Variants in TTC7A observed in about 807,000 individuals in gnomAD.
The protein encoded by TTC7A is tetratricopeptide repeat domain 7A, also known as tetratricopeptide repeat protein 7A.
Under a neutral mutation model 103.7 loss-of-function variants are expected in TTC7A, and 110 were observed. That is an observed-to-expected ratio of 1.06 (90% CI 0.91 to 1.24). The LOEUF is 1.24. Ranked by LOEUF, TTC7A falls within the 50% of genes most tolerant of loss-of-function variation. TTC7A has a pLI of 0.00. For synonymous variants in TTC7A, 521 were observed against 467.9 expected, an observed-to-expected ratio of 1.11 and a Z score of -1.47; for missense variants, 1,340 against 1,116.3, an observed-to-expected ratio of 1.20 and a Z score of -2.86.
chr2:47,064,249 G>A (rs755544087), intron 19 of TTC7A, among the ~76,000 whole-genome samples: 4 of 152,210 alleles, frequency 2.6e-5, no homozygotes, highest in Admixed American at 6.5e-5. Context: ...AGGGGCCTCC[G>A]GGAAACTGGC....
At chr2:47,013,751 T>C (rs530047592) in intron 11 of TTC7A, among the ~76,000 whole-genome samples, 6 of 152,348 alleles carry the variant, frequency 3.9e-5, no homozygotes, top group South Asian at 2.1e-4. Flanking sequence ...AGGAGCAAAG[T>C]AATCAATGAC....
At chr2:46,984,354 A>T (rs2104315136) in intron 5 of TTC7A, among the ~76,000 whole-genome samples, 1 of 152,338 alleles carries the variant, frequency 6.6e-6, no homozygotes, top group South Asian at 2.1e-4. Flanking sequence ...AGTAAGGGTG[A>T]GGCCCTGGGG....
rs148347796 is a variant in TTC7A at position 46,975,011 on chromosome 2, C to T, written c.556C>T (p.Arg186Cys). The part of the protein sequence containing the change: ...LERLPNSIAS[R>C]FRLTEREEEV... Reference sequence around the variant, plus strand: ...ACGCCTACCCAACTCCATCGCCTCCCGCTTCCGCCTGACAGAGAGGGAGGA... The same window carrying T: ...ACGCCTACCCAACTCCATCGCCTCCTGCTTCCGCCTGACAGAGAGGGAGGA... Residue 186 changes from arginine (R) to cysteine (C), a missense_variant, in exon 4 of 20, where the codon CGC becomes TGC. Coordinates refer to ENST00000319190, the MANE Select transcript of TTC7A (RefSeq NM_020458.4). The T allele has an allele frequency of 3.3e-4, 527 of 1,614,042 alleles. No homozygotes were observed. In the African/African-American group the frequency reaches 5.3e-3, roughly 16 times the overall value.
At chr2:46,970,604 T>C (rs1037752369) in intron 3 of TTC7A, among the ~76,000 whole-genome samples, 1 of 152,220 alleles carries the variant, frequency 6.6e-6, no homozygotes, top group Non-Finnish European at 1.5e-5. Context: ...TCCCCTGGAA[T>C]TGGCTGTGCC....
At chr2:46,924,061 C>G (rs1367079617) in intron 2 of TTC7A, among the ~76,000 whole-genome samples, 1 of 151,984 alleles carries the variant, frequency 6.6e-6, no homozygotes, top group African/African-American at 2.4e-5. Flanking sequence ...AAAAAATAGC[C>G]AGGCGTGGTG....
chr2:46,993,645 G>T (rs6751599), intron 6 of TTC7A, 117 bp downstream of exon 6: 101 of 901,612 alleles, frequency 1.1e-4, no homozygotes, highest in Non-Finnish European at 1.8e-4. Context: ...CTGCCTGCTT[G>T]TGGCAGAGGT....
chr2:47,037,151 T>C (rs1681205391), intron 15 of TTC7A, among the ~76,000 whole-genome samples: 1 of 152,222 alleles, frequency 6.6e-6, no homozygotes, highest in African/African-American at 2.4e-5. Context: ...GGAGCCCCTG[T>C]ACTTCAAAGC....
At chr2:46,924,345 T>C (rs1669277831) in intron 2 of TTC7A, among the ~76,000 whole-genome samples, 1 of 152,064 alleles carries the variant, frequency 6.6e-6, no homozygotes, top group Non-Finnish European at 1.5e-5. Flanking sequence ...CTAAGTTAGC[T>C]CCTTCTTAAT....
At chr2:47,053,543 T>TTTGTTTGGTCGG (rs66907808) in intron 18 of TTC7A, among the ~76,000 whole-genome samples, 1 of 140,138 alleles carries the variant, frequency 7.1e-6, no homozygotes. Flanking sequence ...TGTTTGTTTG[T>TTTGTTTGGTCGG]TTGGTTGGTT....
At chr2:46,929,640 CAG>C (rs1415999038) in intron 2 of TTC7A, among the ~76,000 whole-genome samples, 6 of 152,002 alleles carry the variant, frequency 3.9e-5, no homozygotes, top group Admixed American at 3.9e-4. Context: ...ACAGCTAACA[CAG>C]AAATATATAT....
chr2:47,006,870 G>C lies in TTC7A; in HGVS notation c.1287+146G>C. The C allele has an allele frequency of 4.5e-6, 3 of 672,104 alleles. No homozygotes were observed. In the South Asian group the frequency reaches 5.1e-5, roughly 11 times the overall value. The allele number at this position is 672,104 out of a possible 1,614,324, so 41.6% of individuals were successfully genotyped here. ...TCCGGGAGAGTGAGGGGCGTGGGGT[G>C]GGCCACACAGACACCTTGTGTGAAT... On this transcript the variant is annotated intron_variant, in intron 10 of 19. Coordinates refer to ENST00000319190, the MANE Select transcript of TTC7A (RefSeq NM_020458.4).
intron 5 of TTC7A, among the ~76,000 whole-genome samples, chr2:46,988,748 G>T (rs1675301112): frequency 6.6e-6 from 1 of 152,186 alleles, no homozygotes; most frequent in South Asian, 2.1e-4. Flanking sequence ...ACATGGCCAG[G>T]AAAAGAAAAT....
At chr2:46,943,931 A>G (rs1670695618) in intron 1 of TTC7A, among the ~76,000 whole-genome samples, 1 of 152,196 alleles carries the variant, frequency 6.6e-6, no homozygotes, top group Non-Finnish European at 1.5e-5. Context: ...GGAGGCAGAA[A>G]GGGAAGATGA....
At chr2:46,969,161 A>G (rs957246558) in intron 3 of TTC7A, among the ~76,000 whole-genome samples, 3 of 151,418 alleles carry the variant, frequency 2.0e-5, no homozygotes, top group Non-Finnish European at 4.4e-5. Context: ...TGCACATGTA[A>G]TTTTTAAGTA....
intron 15 of TTC7A, 47 bp from the exon 16 acceptor site, chr2:47,046,268 G>A (rs1186190027): frequency 1.3e-6 from 2 of 1,482,978 alleles, no homozygotes; most frequent in East Asian, 2.3e-5. Flanking sequence ...CCAGGTGAAA[G>A]TGGGCCCTTG....
chr2:47,026,352 C>T (rs1042937900), intron 14 of TTC7A, among the ~76,000 whole-genome samples: 2 of 152,232 alleles, frequency 1.3e-5, no homozygotes, highest in African/African-American at 2.4e-5. Context: ...CCCCACTGAT[C>T]TTAGTGTCCT....
chr2:47,017,132 G>A (rs1017845331), intron 11 of TTC7A, among the ~76,000 whole-genome samples: 1 of 149,842 alleles, frequency 6.7e-6, no homozygotes, highest in Admixed American at 6.7e-5. Flanking sequence ...CCCAGGAGTC[G>A]GAGGTTGCAG....
Position 46,932,211 on chromosome 2 carries a change from G to A in TTC7A, c.82+14934G>A, listed in dbSNP as rs149425105. Among the ~76,000 whole-genome samples, 1,427 of 151,562 alleles carry A rather than the reference G, an allele frequency of 9.4e-3. 16 individuals are homozygous for A. The highest frequency in any genetic ancestry group is 0.033 in the African/African-American group (1,345 of 41,288). ...GTCACCCAGGCTGGAGTGCAGTGGC[G>A]GGGTCTTGGCTCACTGCAACCTCTT... On this transcript the variant is annotated intron_variant, in intron 2 of 20. Coordinates refer to the TTC7A transcript ENST00000409245.
intron 15 of TTC7A, among the ~76,000 whole-genome samples, chr2:47,037,622 A>G (rs1681254071): frequency 1.3e-5 from 2 of 152,234 alleles, no homozygotes; most frequent in East Asian, 1.9e-4. Flanking sequence ...TTGAACTCCA[A>G]GAGCTTCAAT....
Sources: gnomAD v4.1 joint callset for allele counts (sites outside exome capture counted in the v4.1 genomes callset) on GRCh38, gnomAD v4.1.1 for gene constraint, MANE v1.5 for transcripts, NCBI Gene and HGNC (gene_info 2026-07-23, HGNC 2026-07-21) for gene names.